CORO1C: variants seen among roughly 807,000 people sequenced by gnomAD.
The protein encoded by CORO1C is coronin-1C.
A neutral mutation model predicts 51.2 loss-of-function variants in CORO1C; 14 were observed. The observed-to-expected ratio is 0.27, with a 90% CI of 0.18 to 0.43. The LOEUF (loss-of-function observed/expected upper bound fraction) is 0.43, where lower values mean the gene tolerates loss of function less well. CORO1C is among the 20% of genes least tolerant of loss of function. CORO1C has a pLI of 1.00. For missense variants in CORO1C, 417 were observed against 607.8 expected (o/e 0.69, Z 3.30); for synonymous variants, 181 against 210.5 (o/e 0.86, Z 1.21).
At chr12:108,702,684 C>G (rs943498974) in intron 1 of CORO1C, 4 of 1,174,714 alleles carry the variant, frequency 3.4e-6, no homozygotes, top group Non-Finnish European at 4.6e-6. Context: ...TCATGCCAGA[C>G]GAGACACATG....
At chr12:108,721,711 C>T (rs1481729579) in intron 1 of CORO1C, among the ~76,000 whole-genome samples, 1 of 152,034 alleles carries the variant, frequency 6.6e-6, no homozygotes. Context: ...TCAATAATTT[C>T]CCACTGTTTG....
In CORO1C at chr12:108,646,705, A is replaced by G. The variant is rs2032374120; in HGVS notation, c.*698T>C. 6.6e-6 allele frequency: 1 copy of G among 152,352 alleles called. No individual in the cohort carries two copies. The highest frequency in any genetic ancestry group is 2.1e-4 in the South Asian group (1 of 4,824). 9.4% of individuals were successfully genotyped at this position (152,352 alleles called of 1,614,324 possible). A position where few individuals can be genotyped will look rare whatever the true frequency, so the allele number is the denominator to read the frequency against. On this transcript the variant is annotated 3_prime_UTR_variant, in exon 11 of 11. Transcript: ENST00000261401. Reference sequence around the variant, plus strand: ...TGAGCTTTTTTGATCAGAAGACTCCATGAAATGAGAGCGGTGGTAATATGA... The same window carrying G: ...TGAGCTTTTTTGATCAGAAGACTCCGTGAAATGAGAGCGGTGGTAATATGA...
intron 10 of CORO1C, 61 bp downstream of exon 10, chr12:108,648,543 AG>A: frequency 1.2e-6 from 2 of 1,603,586 alleles, no homozygotes; most frequent in Non-Finnish European, 8.5e-7. Flanking sequence ...CTGGACCACA[AG>A]GGCTTTCTAG....
intron 8 of CORO1C, among the ~76,000 whole-genome samples, chr12:108,649,996 G>A (rs2032567615): frequency 6.6e-6 from 1 of 152,182 alleles, no homozygotes; most frequent in Non-Finnish European, 1.5e-5. Context: ...AAACTGGGCA[G>A]GAGTCCATTG....
At chr12:108,730,882 T>C (rs1228300422) in intron 1 of CORO1C, 1 of 148,532 alleles carries the variant, frequency 6.7e-6, no homozygotes, top group Non-Finnish European at 1.5e-5. Flanking sequence ...GCGGCCGCCC[T>C]CGCCCCTCCC....
chr12:108,676,569 C>T (rs1001308255), intron 3 of CORO1C, among the ~76,000 whole-genome samples: 9 of 151,746 alleles, frequency 5.9e-5, no homozygotes, highest in Admixed American at 1.3e-4. Context: ...GTCAGGAGTT[C>T]GAGACCAGCC....
At chr12:108,672,001 C>T (rs1015828086) in intron 3 of CORO1C, among the ~76,000 whole-genome samples, 9 of 152,094 alleles carry the variant, frequency 5.9e-5, no homozygotes, top group African/African-American at 2.4e-5. Context: ...GGGCTCAACC[C>T]GTCCACCTGC....
At chr12:108,715,618 C>T (rs2035307302) in intron 1 of CORO1C, among the ~76,000 whole-genome samples, 1 of 151,794 alleles carries the variant, frequency 6.6e-6, no homozygotes, top group African/African-American at 2.4e-5. Context: ...GCAGGCGCTA[C>T]CTGACCCGCC....
At chr12:108,676,664 CG>C (rs1565915015) in intron 3 of CORO1C, among the ~76,000 whole-genome samples, 1 of 150,682 alleles carries the variant, frequency 6.6e-6, no homozygotes, top group Non-Finnish European at 1.5e-5. Flanking sequence ...CCCAGCTACT[CG>C]GGAGGCTGAG....
At chr12:108,682,189 A>G (rs1009845699) in intron 2 of CORO1C, among the ~76,000 whole-genome samples, 1 of 151,922 alleles carries the variant, frequency 6.6e-6, no homozygotes, top group Non-Finnish European at 1.5e-5. Flanking sequence ...ATTTTTTAAG[A>G]AAAAAAAGCA....
intron 2 of CORO1C, among the ~76,000 whole-genome samples, chr12:108,678,642 A>T (rs2033996805): frequency 6.6e-6 from 1 of 152,084 alleles, no homozygotes; most frequent in South Asian, 2.1e-4. Flanking sequence ...ACATAGCAAA[A>T]GAGAATATGA....
In CORO1C at chr12:108,648,806, T is replaced by C. The variant is rs764241979; in HGVS notation, c.1104A>G (p.Pro368=). 6.2e-7 allele frequency: 1 copy of C among 1,614,210 alleles called. No homozygotes were observed. The highest frequency in any genetic ancestry group is 8.5e-7 in the Non-Finnish European group (1 of 1,180,012). The change falls in exon 10 of 11, where the codon CCA becomes CCG. Residue 368 remains proline (P), a synonymous_variant. Transcript: ENST00000261401. ...ACTCTTCTGCCTCCAGCGCGGCCTC[T>C]GGCCCCGCTGTGTCAGGATACAGGT... ...QDDLYPDTAG[P]EAALEAEEWF...
intron 3 of CORO1C, among the ~76,000 whole-genome samples, chr12:108,668,114 A>G (rs1185003889): frequency 6.6e-6 from 1 of 152,196 alleles, no homozygotes; most frequent in Non-Finnish European, 1.5e-5. Context: ...CCAATTCCAA[A>G]TGGGAAATGA....
At chr12:108,687,568 T>C (rs1353966364) in intron 2 of CORO1C, among the ~76,000 whole-genome samples, 1 of 151,998 alleles carries the variant, frequency 6.6e-6, no homozygotes, top group Non-Finnish European at 1.5e-5. Context: ...GCGGATCACT[T>C]GAGGTCAGGA....
intron 2 of CORO1C, 195 bp downstream of exon 2, chr12:108,700,929 G>A: frequency 1.6e-6 from 1 of 629,600 alleles, no homozygotes. Flanking sequence ...CCAGAACAGA[G>A]GTCACTATTC....
intron 3 of CORO1C, among the ~76,000 whole-genome samples, chr12:108,670,475 C>T (rs542539105): frequency 1.3e-4 from 20 of 152,140 alleles, no homozygotes; most frequent in Non-Finnish European, 2.4e-4. Flanking sequence ...GAAATGAAAT[C>T]GAATTTCAGC....
At chr12:108,713,893 A>G (rs539504360) in intron 1 of CORO1C, among the ~76,000 whole-genome samples, 1 of 152,040 alleles carries the variant, frequency 6.6e-6, no homozygotes, top group Non-Finnish European at 1.5e-5. Context: ...AGTTTGTGTA[A>G]CACTTTAAAT....
chr12:108,726,373 C>T (rs1226071774), intron 1 of CORO1C, among the ~76,000 whole-genome samples: 9 of 150,492 alleles, frequency 6.0e-5, no homozygotes, highest in Non-Finnish European at 1.0e-4. Context: ...GAGCTGAGAT[C>T]GTGCCACTGC....
chr12:108,678,429 A>C, intron 2 of CORO1C, 35 bp from the exon 3 acceptor site: 1 of 1,516,668 alleles, frequency 6.6e-7, no homozygotes, highest in Non-Finnish European at 8.9e-7. Flanking sequence ...ATTATGTAAT[A>C]TCAACACCAC....
Sources: gnomAD v4.1 joint callset for allele counts (sites outside exome capture counted in the v4.1 genomes callset) on GRCh38, gnomAD v4.1.1 for gene constraint, MANE v1.5 for transcripts, NCBI Gene and HGNC (gene_info 2026-07-23, HGNC 2026-07-21) for gene names.